Variants in AFF2 observed in about 807,000 individuals in gnomAD.
The protein encoded by AFF2 is AF4/FMR2 family member 2.
In AFF2, 14 loss-of-function variants were observed where a neutral mutation model predicts 76.9. That is an observed-to-expected ratio of 0.18 (90% CI 0.12 to 0.28). The LOEUF is 0.28. AFF2 is among the 10% of genes least tolerant of loss of function. AFF2 has a pLI of 1.00. For synonymous variants in AFF2, 398 were observed against 366.7 expected (o/e 1.09, Z -0.98); for missense variants, 868 against 1,001.1 (o/e 0.87, Z 1.79).
chrX:148,979,684 T>C (rs1409784007), intron 18 of AFF2, among the ~76,000 whole-genome samples: 1 of 112,301 alleles, frequency 8.9e-6, no homozygotes, highest in Non-Finnish European at 1.9e-5. Context: ...TGGCCTACCC[T>C]CTATAGTTTA....
rs966855540 is a variant in AFF2 at position 148,581,550 on chromosome X, G to A, written c.48-70449G>A. 1.1e-4 allele frequency among the ~76,000 whole-genome samples: 10 copies of A among 91,275 alleles called. 1 individual carries two copies. The highest frequency in any genetic ancestry group is 6.5e-5 in the Non-Finnish European group (3 of 46,317). 79.3% of individuals were successfully genotyped at this position (91,275 alleles called of 115,157 possible). ...CACACATATATACGTATACGTCTAC[G>A]TGTACACACATATATACGTATACGT... On this transcript the variant is annotated intron_variant, in intron 1 of 20. Transcript: ENST00000370460.
intron 1 of AFF2, among the ~76,000 whole-genome samples, chrX:148,634,465 G>A (rs990187233): frequency 4.5e-5 from 5 of 111,579 alleles, no homozygotes; most frequent in African/African-American, 1.6e-4. Context: ...GGTAATTAAA[G>A]CGTCTTGTGT....
intron 1 of AFF2, among the ~76,000 whole-genome samples, chrX:148,603,703 A>AT (rs1405151343): frequency 9.1e-6 from 1 of 110,112 alleles, no homozygotes; most frequent in African/African-American, 3.3e-5. Context: ...TTCTTTTATT[A>AT]TAATTTTAAT....
chrX:148,623,312 A>G (rs1461262015), intron 1 of AFF2, among the ~76,000 whole-genome samples: 1 of 110,770 alleles, frequency 9.0e-6, no homozygotes, highest in African/African-American at 3.3e-5. Context: ...AATGGCAAAC[A>G]TTTGTTTTTT....
chrX:148,755,226 G>T (rs367815897), intron 3 of AFF2, among the ~76,000 whole-genome samples: 2 of 112,134 alleles, frequency 1.8e-5, no homozygotes, highest in Admixed American at 9.4e-5. Context: ...CTGAAGCTGC[G>T]TTTGTCACTT....
chrX:148,926,174 T>A (rs148431639), intron 9 of AFF2, among the ~76,000 whole-genome samples: 1 of 111,856 alleles, frequency 8.9e-6, no homozygotes, highest in East Asian at 2.8e-4. Flanking sequence ...TTGCCTTATC[T>A]TGCAGCTCTA....
Position 148,701,750 on chromosome X carries a change from C to T in AFF2, c.1041+38982C>T, listed in dbSNP as rs782724406. Among the ~76,000 whole-genome samples the T allele has an allele frequency of 3.7e-4, 41 of 111,952 alleles. 2 individuals are homozygous for T. The Middle Eastern group carries it at 0.023, about 63-fold the overall frequency. On this transcript the variant is annotated intron_variant, in intron 3 of 20. Coordinates refer to ENST00000370460, the MANE Select transcript of AFF2 (RefSeq NM_002025.4). ...ACCCTGAAGTGTAATTTACTTGGCA[C>T]TTAAATTGATTTTATTTGTGGTTGT...
chrX:148,642,700 G>C (rs1184016091), intron 1 of AFF2, among the ~76,000 whole-genome samples: 1 of 111,947 alleles, frequency 8.9e-6, no homozygotes, highest in African/African-American at 3.2e-5. Flanking sequence ...GCTAAGCCTT[G>C]GGCCACTGAG....
At chrX:148,813,020 A>G (rs1276032405) in intron 4 of AFF2, among the ~76,000 whole-genome samples, 1 of 112,463 alleles carries the variant, frequency 8.9e-6, no homozygotes, top group Non-Finnish European at 1.9e-5. Flanking sequence ...CAATCAGATT[A>G]TAACAGGCTA....
chrX:148,659,948 T>C (rs2054288156), intron 2 of AFF2, among the ~76,000 whole-genome samples: 1 of 112,358 alleles, frequency 8.9e-6, no homozygotes, highest in African/African-American at 3.2e-5. Context: ...AACAGAGTGA[T>C]TATTCAGCTG....
intron 3 of AFF2, among the ~76,000 whole-genome samples, chrX:148,780,821 G>A (rs2124611590): frequency 8.9e-6 from 1 of 111,974 alleles, no homozygotes; most frequent in African/African-American, 3.2e-5. Context: ...CTTTGGAAGA[G>A]AAGAGGCATT....
At chrX:148,884,677 G>A in intron 7 of AFF2, among the ~76,000 whole-genome samples, 1 of 112,591 alleles carries the variant, frequency 8.9e-6, no homozygotes, top group Non-Finnish European at 1.9e-5. Flanking sequence ...GTGAAGCACA[G>A]TGAGGTGAAA....
chrX:148,607,427 G>A (rs189077903), intron 1 of AFF2, among the ~76,000 whole-genome samples: 14 of 110,967 alleles, frequency 1.3e-4, no homozygotes, highest in African/African-American at 3.9e-4. Context: ...AGATCTCATG[G>A]TTTTATAAAG....
intron 8 of AFF2, among the ~76,000 whole-genome samples, chrX:148,899,350 C>A (rs1406704844): frequency 3.6e-5 from 4 of 111,665 alleles, no homozygotes; most frequent in Non-Finnish European, 7.5e-5. Context: ...GATTTTAGGC[C>A]ATCTGAATAC....
chrX:148,866,295 C>T (rs782814482), intron 7 of AFF2, among the ~76,000 whole-genome samples: 1 of 111,847 alleles, frequency 8.9e-6, no homozygotes, highest in South Asian at 3.7e-4. Flanking sequence ...ACAATCAATA[C>T]GGTAGAGTGA....
chrX:148,549,771 C>G (rs142191670), intron 1 of AFF2, among the ~76,000 whole-genome samples: 10 of 111,738 alleles, frequency 8.9e-5, no homozygotes, highest in Admixed American at 2.8e-4. Context: ...TTATGTTTGA[C>G]CACTCTTTGC....
chrX:148,708,971 TC>T (rs1159014643), intron 3 of AFF2, among the ~76,000 whole-genome samples: 7 of 112,084 alleles, frequency 6.2e-5, no homozygotes, highest in Non-Finnish European at 1.3e-4. Context: ...TGCATTTTTT[TC>T]GTTACCATTG....
intron 8 of AFF2, among the ~76,000 whole-genome samples, chrX:148,888,801 G>A (rs1458153941): frequency 9.0e-6 from 1 of 111,249 alleles, no homozygotes; most frequent in African/African-American, 3.3e-5. Context: ...GGGCCTCCTG[G>A]CTGAGCAAAA....
Position 148,843,014 on chromosome X carries a change from T to A in AFF2, c.1210+12T>A. ...ATTCACCTTACAAAGTAAGTGGTTT[T>A]GAAAATCCTTCTTAGTCCAAACATC... On this transcript the variant is annotated intron_variant, in intron 6 of 20. Transcript: ENST00000370460. 8.3e-7 allele frequency: 1 copy of A among 1,197,902 alleles called. No individual in the cohort carries two copies. Among genetic ancestry groups the A allele is most frequent in the Non-Finnish European group, 1.1e-6 (1 of 885,184 alleles).
Sources: gnomAD v4.1 joint callset for allele counts (sites outside exome capture counted in the v4.1 genomes callset) on GRCh38, gnomAD v4.1.1 for gene constraint, MANE v1.5 for transcripts, NCBI Gene and HGNC (gene_info 2026-07-23, HGNC 2026-07-21) for gene names.